Variants in EPHA6 observed in about 807,000 individuals in gnomAD.
EPHA6 encodes ephrin type-A receptor 6.
A neutral mutation model predicts 112.0 loss-of-function variants in EPHA6; 50 were observed. That is an observed-to-expected ratio of 0.45 (90% confidence interval 0.36 to 0.56). The LOEUF is 0.56. Among genes scored for constraint, EPHA6 ranks in the 20% least tolerant of loss-of-function variants. The pLI is 0.00. For synonymous variants in EPHA6, 529 were observed against 490.7 expected (o/e 1.08, Z -1.03); for missense variants, 1,280 against 1,417.4 (o/e 0.90, Z 1.56).
chr3:97,497,932 A>G (rs2092022155), intron 10 of EPHA6, among the ~76,000 whole-genome samples: 1 of 150,174 alleles, frequency 6.7e-6, no homozygotes, highest in Admixed American at 6.6e-5. Context: ...GACAGCAGAT[A>G]AACCCATAAG....
Position 97,268,021 on chromosome 3 carries a change from T to C in EPHA6, c.1606+23734T>C, listed in dbSNP as rs182023305. 4.0e-3 allele frequency among the ~76,000 whole-genome samples: 613 copies of C among 152,304 alleles called. 4 individuals carry two copies. Among genetic ancestry groups the C allele is most frequent in the African/African-American group, 0.014 (567 of 41,580 alleles). ...AGGGTCTTGCTGGAGGTGGTTGAAC[T>C]ATTCAGTGATAATTTAGTGATTTGG... On this transcript the variant is annotated intron_variant, in intron 5 of 17. Coordinates refer to ENST00000389672, the MANE Select transcript of EPHA6 (RefSeq NM_001080448.3).
At chr3:97,004,722 A>C (rs1035165512) in intron 3 of EPHA6, among the ~76,000 whole-genome samples, 1 of 152,170 alleles carries the variant, frequency 6.6e-6, no homozygotes, top group African/African-American at 2.4e-5. Context: ...GCCCATGCCT[A>C]TGTCCTGAAT....
chr3:96,824,936 C>T (rs908214057), intron 1 of EPHA6, among the ~76,000 whole-genome samples: 1 of 151,558 alleles, frequency 6.6e-6, no homozygotes, highest in Non-Finnish European at 1.5e-5. Flanking sequence ...AGAGGTATAG[C>T]TGAAATTAAA....
At chr3:97,368,474 C>T (rs114657719) in intron 5 of EPHA6, among the ~76,000 whole-genome samples, 44 of 152,118 alleles carry the variant, frequency 2.9e-4, no homozygotes, top group African/African-American at 1.1e-3. Context: ...TATTGCATAA[C>T]TATTGATTTT....
chr3:97,648,646 T>C, intron 14 of EPHA6: 3 of 1,083,744 alleles, frequency 2.8e-6, no homozygotes, highest in Non-Finnish European at 3.4e-6. Flanking sequence ...CTTAACCTTT[T>C]AGTAAAACAT....
chr3:96,907,105 T>G (rs916662504), intron 2 of EPHA6, among the ~76,000 whole-genome samples: 2 of 151,788 alleles, frequency 1.3e-5, no homozygotes, highest in African/African-American at 2.4e-5. Flanking sequence ...AATGAAAGGA[T>G]CTGCAGAAAT....
At chr3:97,522,620 AT>A (rs2092561341) in intron 10 of EPHA6, among the ~76,000 whole-genome samples, 1 of 152,090 alleles carries the variant, frequency 6.6e-6, no homozygotes, top group Non-Finnish European at 1.5e-5. Context: ...AAAGATTGGT[AT>A]TTATTTCTTA....
chr3:97,752,091 A>C lies in EPHA6; in HGVS notation c.*3390A>C, dbSNP rs1225918181. On this transcript the variant is annotated 3_prime_UTR_variant, in exon 18 of 18. Coordinates refer to ENST00000389672, the MANE Select transcript of EPHA6 (RefSeq NM_001080448.3). ...TTGCAATGAGTTATAACTGGTGATA[A>C]ATGTTCTACATTCCATATCAAAATA... is the stretch of plus-strand genomic sequence containing the variant. 4.5e-6 allele frequency: 1 copy of C among 224,390 alleles called. No homozygotes were observed. The highest frequency in any genetic ancestry group is 5.7e-5 in the Admixed American group (1 of 17,466). 13.9% of individuals were successfully genotyped at this position (224,390 alleles called of 1,614,324 possible).
chr3:97,480,513 G>A (rs1187724034), intron 9 of EPHA6, among the ~76,000 whole-genome samples: 3 of 152,048 alleles, frequency 2.0e-5, no homozygotes. Flanking sequence ...ACCCTGAGTG[G>A]ACACAGCACA....
chr3:96,854,185 T>A (rs1374999762), intron 1 of EPHA6, among the ~76,000 whole-genome samples: 1 of 149,388 alleles, frequency 6.7e-6, no homozygotes, highest in South Asian at 2.1e-4. Context: ...ATGACTTTTT[T>A]TTTTTTTTTT....
chr3:96,879,055 A>T (rs1026852772), intron 2 of EPHA6, among the ~76,000 whole-genome samples: 1 of 152,050 alleles, frequency 6.6e-6, no homozygotes, highest in Non-Finnish European at 1.5e-5. Context: ...ATTCTGCCTA[A>T]TTTAATTGAA....
At chr3:97,443,269 T>C (rs2090201653) in intron 6 of EPHA6, among the ~76,000 whole-genome samples, 1 of 151,746 alleles carries the variant, frequency 6.6e-6, no homozygotes, top group Non-Finnish European at 1.5e-5. Flanking sequence ...AATATCCTTT[T>C]TTATATTATT....
intron 4 of EPHA6, among the ~76,000 whole-genome samples, chr3:97,234,843 C>A (rs1204293921): frequency 6.6e-6 from 1 of 152,072 alleles, no homozygotes; most frequent in Non-Finnish European, 1.5e-5. Flanking sequence ...GTCTTCTCTC[C>A]TGAGGTGCAA....
chr3:97,538,344 C>G (rs372428487), intron 11 of EPHA6, among the ~76,000 whole-genome samples: 2 of 152,086 alleles, frequency 1.3e-5, no homozygotes, highest in Admixed American at 6.5e-5. Flanking sequence ...AAATGACTTC[C>G]AAGTGAATGG....
At chr3:96,846,146 T>G (rs571269153) in intron 1 of EPHA6, among the ~76,000 whole-genome samples, 12 of 152,074 alleles carry the variant, frequency 7.9e-5, no homozygotes, top group Non-Finnish European at 1.5e-4. Context: ...GCAAGTATTT[T>G]GTGAAATTTT....
chr3:96,994,203 G>A (rs571564432), intron 3 of EPHA6: 59 of 406,290 alleles, frequency 1.5e-4, no homozygotes, highest in South Asian at 1.4e-3. Flanking sequence ...AAATTTAAAA[G>A]CAAACACGAA....
chr3:97,032,149 A>G (rs1175060772), intron 3 of EPHA6, among the ~76,000 whole-genome samples: 4 of 152,012 alleles, frequency 2.6e-5, no homozygotes, highest in African/African-American at 7.2e-5. Flanking sequence ...CCTTTGTAGG[A>G]ACATGGATGA....
At chr3:97,699,117 G>A (rs529996997) in intron 14 of EPHA6, among the ~76,000 whole-genome samples, 5 of 152,070 alleles carry the variant, frequency 3.3e-5, no homozygotes, top group South Asian at 2.1e-4. Context: ...GCATATAGAC[G>A]AGCAGGGTTC....
intron 14 of EPHA6, among the ~76,000 whole-genome samples, chr3:97,656,947 TAAC>T: frequency 6.6e-6 from 1 of 151,972 alleles, no homozygotes; most frequent in Non-Finnish European, 1.5e-5. Flanking sequence ...CTCAGTTGTT[TAAC>T]CATCCTCTTA....
Sources: gnomAD v4.1 joint callset for allele counts (sites outside exome capture counted in the v4.1 genomes callset) on GRCh38, gnomAD v4.1.1 for gene constraint, MANE v1.5 for transcripts, NCBI Gene and HGNC (gene_info 2026-07-23, HGNC 2026-07-21) for gene names.